Variants in BRD4 observed in about 807,000 individuals in gnomAD.
BRD4 encodes the protein bromodomain-containing protein 4.
In BRD4, 16 loss-of-function variants were observed where a neutral mutation model predicts 142.1. That is an observed-to-expected ratio of 0.11 (90% CI 0.08 to 0.17). BRD4 has a LOEUF of 0.17. Among genes scored for constraint, BRD4 ranks in the 10% least tolerant of loss-of-function variants. The pLI, the probability that BRD4 is intolerant of heterozygous loss-of-function variation, is 1.00. For synonymous variants in BRD4, 833 were observed against 707.5 expected, an observed-to-expected ratio of 1.18 and a Z score of -2.82; for missense variants, 1,424 against 1,810.9, an observed-to-expected ratio of 0.79 and a Z score of 3.88.
intron 1 of BRD4, among the ~76,000 whole-genome samples, chr19:15,288,531 G>T (rs575259365): frequency 2.1e-4 from 32 of 152,364 alleles, no homozygotes; most frequent in African/African-American, 7.7e-4. Flanking sequence ...GAATTCATCC[G>T]GAACTGCAGA....
chr19:15,328,974 T>C (rs960756121), intron 1 of BRD4, among the ~76,000 whole-genome samples: 2 of 152,178 alleles, frequency 1.3e-5, no homozygotes, highest in Non-Finnish European at 2.9e-5. Context: ...GGTTTCTCCA[T>C]GTTTGTCAGG....
At chr19:15,318,807 C>T (rs560081752) in intron 1 of BRD4, among the ~76,000 whole-genome samples, 3 of 152,200 alleles carry the variant, frequency 2.0e-5, no homozygotes, top group South Asian at 2.1e-4. Flanking sequence ...CCCTCATCTG[C>T]GGCCTTTGCA....
chr19:15,278,819 T>A (rs75977631), intron 1 of BRD4, among the ~76,000 whole-genome samples: 1 of 152,188 alleles, frequency 6.6e-6, no homozygotes, highest in Non-Finnish European at 1.5e-5. Flanking sequence ...TCTAAATTCA[T>A]AGACCTCTGA....
chr19:15,239,665 G>A lies in BRD4; in HGVS notation c.3439C>T (p.Pro1147Ser). ...GGGCAGGGAGAGCACTCACGCTGGG[G>A]CAGGTGGACGGGGGCCTTGATGCTC... ...PESIKAPVHL[P>S]QRPEMKPVDV... Residue 1147 changes from proline (P) to serine (S), a missense_variant, in exon 16 of 20, where the codon CCC becomes TCC. Coordinates refer to ENST00000679869, the MANE Select transcript of BRD4 (RefSeq NM_001379291.1). The surrounding 1 kb of genome is among the most constrained non-coding windows in gnomAD (Gnocchi z 7.4). The A allele has an allele frequency of 6.3e-7, 1 of 1,582,174 alleles. No individual in the cohort carries two copies.
chr19:15,263,005 G>A (rs2047490468), intron 7 of BRD4, among the ~76,000 whole-genome samples: 1 of 152,166 alleles, frequency 6.6e-6, no homozygotes, highest in Admixed American at 6.5e-5. Context: ...CAACCACTCT[G>A]CAGCTAGAAG....
intron 14 of BRD4, 65 bp downstream of exon 14, chr19:15,242,835 T>A (rs1263911732): frequency 1.3e-6 from 2 of 1,552,570 alleles, no homozygotes; most frequent in Non-Finnish European, 1.7e-6. Flanking sequence ...CCTTCTGGCT[T>A]CCTGAGGACA....
chr19:15,268,839 T>G lies in BRD4; in HGVS notation c.423+66A>C, dbSNP rs928932855. On this transcript the variant is annotated intron_variant, in intron 3 of 19. Coordinates refer to ENST00000679869, the MANE Select transcript of BRD4 (RefSeq NM_001379291.1). ...CACCCCTGCCCACGGGCTCCTGACA[T>G]GCCCACTGCCGTCGCCTCCCCTCCT... 5 of 1,582,194 alleles carry G rather than the reference T, an allele frequency of 3.2e-6. No homozygotes were observed. The African/African-American group carries it at 4.1e-5, about 13-fold the overall frequency.
intron 1 of BRD4, among the ~76,000 whole-genome samples, chr19:15,294,336 G>A (rs920850306): frequency 6.6e-6 from 1 of 152,252 alleles, no homozygotes; most frequent in Non-Finnish European, 1.5e-5. Flanking sequence ...CTGGACGACA[G>A]GCACCCAGCC....
intron 1 of BRD4, among the ~76,000 whole-genome samples, chr19:15,297,754 T>A (rs893118830): frequency 5.3e-5 from 8 of 152,148 alleles, no homozygotes; most frequent in Non-Finnish European, 1.2e-4. Flanking sequence ...ACTTCCTCTG[T>A]ATGAAGCCAG....
chr19:15,248,879 A>C, intron 11 of BRD4: 1 of 318,986 alleles, frequency 3.1e-6, no homozygotes, highest in East Asian at 4.9e-5. Context: ...GTCCCAGAAA[A>C]AGAGGGATGG....
chr19:15,295,719 G>A (rs375557543), intron 1 of BRD4, among the ~76,000 whole-genome samples: 173 of 152,264 alleles, frequency 1.1e-3, no homozygotes, highest in African/African-American at 3.8e-3. Flanking sequence ...GCCTGTAATC[G>A]CAGCACTTTG....
chr19:15,277,657 G>A (rs890765100), intron 1 of BRD4, among the ~76,000 whole-genome samples: 1 of 151,068 alleles, frequency 6.6e-6, no homozygotes, highest in African/African-American at 2.4e-5. Context: ...AGGCATGGTG[G>A]TGTACACCTG....
chr19:15,239,610 C>G lies in BRD4; in HGVS notation c.3445+49G>C, dbSNP rs755212384. 6.4e-7 allele frequency: 1 copy of G among 1,557,122 alleles called. No individual in the cohort carries two copies. Among genetic ancestry groups the G allele is most frequent in the South Asian group, 1.2e-5 (1 of 83,346 alleles). On this transcript the variant is annotated intron_variant, in intron 16 of 19. Transcript: ENST00000679869. The surrounding 1 kb of genome is among the most constrained non-coding windows in gnomAD (Gnocchi z 7.4). ...CCCCACAGCAAGCTTATGTCCAACA[C>G]GGGCCTCGGGGGGCCTGAGCCCTGG...
At chr19:15,322,019 T>TAC (rs1365825410) in intron 1 of BRD4, among the ~76,000 whole-genome samples, 30 of 152,038 alleles carry the variant, frequency 2.0e-4, no homozygotes, top group African/African-American at 7.3e-4. Context: ...AAATGGCACA[T>TAC]ACATACACAC....
chr19:15,295,580 T>C (rs1032916381), intron 1 of BRD4, among the ~76,000 whole-genome samples: 1 of 152,210 alleles, frequency 6.6e-6, no homozygotes, highest in Non-Finnish European at 1.5e-5. Flanking sequence ...AGCATATTCT[T>C]ACTACTCTTT....
chr19:15,245,050 G>C (rs745618426), intron 11 of BRD4: 22 of 529,780 alleles, frequency 4.2e-5, no homozygotes, highest in Non-Finnish European at 6.7e-5. Flanking sequence ...CTGAGAGCTT[G>C]CCCAACGCCT....
At position 15,238,196 on chromosome 19, in the gene BRD4, G is replaced by GT. The variant is rs2047209254; in HGVS notation, c.*180dup. 7 of 989,692 alleles carry GT rather than the reference G, an allele frequency of 7.1e-6. No individual in the cohort carries two copies. In the Admixed American group the frequency reaches 8.8e-5, roughly 12 times the overall value. The allele number at this position is 989,692 out of a possible 1,614,324, so 61.3% of individuals were successfully genotyped here. On this transcript the variant is annotated 3_prime_UTR_variant, in exon 20 of 20. Transcript: ENST00000679869. This position sits in a 1 kb window ranked among gnomAD's most constrained non-coding sequence, Gnocchi z 7.2. ...TGGCGGGACGTCTGTCCGACTGGCC[G>GT]TAAGGCAGACAGGCTCTGCAATCCT...
chr19:15,309,160 C>A (rs2047943856), intron 1 of BRD4, among the ~76,000 whole-genome samples: 1 of 151,672 alleles, frequency 6.6e-6, no homozygotes. Context: ...GGCGAAACCC[C>A]ATCTCTACTA....
At chr19:15,310,231 T>TTG (rs1416055382) in intron 1 of BRD4, among the ~76,000 whole-genome samples, 3 of 148,994 alleles carry the variant, frequency 2.0e-5, no homozygotes, top group African/African-American at 5.0e-5. Flanking sequence ...TTTTTTTTTT[T>TTG]GAAAGAGAGT....
Sources: allele counts gnomAD v4.1 joint callset (sites outside exome capture counted in the v4.1 genomes callset), GRCh38; gene constraint gnomAD v4.1.1; non-coding constraint Gnocchi (gnomAD v3.1); transcripts MANE v1.5; gene names NCBI Gene and HGNC (gene_info 2026-07-23, HGNC 2026-07-21).